ABLIM2: variants seen among roughly 807,000 people sequenced by gnomAD.
ABLIM2 encodes actin-binding LIM protein 2.
Under a neutral mutation model 97.7 loss-of-function variants are expected in ABLIM2, and 53 were observed. That is an observed-to-expected ratio of 0.54 (90% CI 0.44 to 0.68). The LOEUF (loss-of-function observed/expected upper bound fraction) is 0.68, where lower values mean the gene tolerates loss of function less well. ABLIM2 is among the 30% of genes least tolerant of loss of function. The pLI is 0.00. For missense variants in ABLIM2, 835 were observed against 867.2 expected, an observed-to-expected ratio of 0.96 and a Z score of 0.47; for synonymous variants, 361 against 345.8, an observed-to-expected ratio of 1.04 and a Z score of -0.49.
intron 20 of ABLIM2, among the ~76,000 whole-genome samples, chr4:7,973,726 TCA>T (rs1730220320): frequency 6.6e-6 from 1 of 152,180 alleles, no homozygotes; most frequent in Non-Finnish European, 1.5e-5. Context: ...CAGAAAGGTC[TCA>T]GAGTGTGAAT....
intron 2 of ABLIM2, among the ~76,000 whole-genome samples, chr4:8,100,945 C>G (rs1043514454): frequency 2.0e-5 from 3 of 152,010 alleles, no homozygotes; most frequent in African/African-American, 7.2e-5. Context: ...AGGAAAGTGC[C>G]CACACACTAA....
intron 16 of ABLIM2, among the ~76,000 whole-genome samples, chr4:7,997,109 T>G (rs978406114): frequency 6.6e-6 from 1 of 152,206 alleles, no homozygotes; most frequent in African/African-American, 2.4e-5. Flanking sequence ...TCTTGCTCTG[T>G]TGCCCAGGCT....
chr4:8,125,720 G>T lies in ABLIM2; in HGVS notation c.11-19083C>A, dbSNP rs1228018541. Among the ~76,000 whole-genome samples, 1 of 152,232 alleles carries T rather than the reference G, an allele frequency of 6.6e-6. No homozygotes were observed. Among genetic ancestry groups the T allele is most frequent in the Non-Finnish European group, 1.5e-5 (1 of 68,038 alleles). On this transcript the variant is annotated intron_variant, in intron 1 of 20. Coordinates refer to ENST00000447017, the MANE Select transcript of ABLIM2 (RefSeq NM_001130083.2). This position sits in a 1 kb window ranked among gnomAD's most constrained non-coding sequence, Gnocchi z 6.2. ...GAGAAGGCATCGCAGACTCAGCTGA[G>T]CTGGAGAGGCCCGCCCAGCCTCTGC...
At chr4:8,118,198 G>A (rs1369243665) in intron 1 of ABLIM2, among the ~76,000 whole-genome samples, 2 of 152,188 alleles carry the variant, frequency 1.3e-5, no homozygotes, top group African/African-American at 2.4e-5. Context: ...CACACAGCAT[G>A]AGCTCAACAC....
rs563997879 is a variant in ABLIM2, at chr4:8,108,315, C to A, written c.11-1678G>T. Among the ~76,000 whole-genome samples the A allele has an allele frequency of 2.9e-4, 44 of 152,386 alleles. 1 individual carries two copies. In the East Asian group the frequency reaches 8.3e-3, roughly 29 times the overall value. On this transcript the variant is annotated intron_variant, in intron 1 of 20. Coordinates refer to ENST00000447017, the MANE Select transcript of ABLIM2 (RefSeq NM_001130083.2). The stretch of plus-strand genomic sequence containing the variant: ...AGGGCGGGCTTTCACTCGGCTAGGG[C>A]TGCGCCCCATGCCTTCTGCTCATGC...
chr4:8,111,301 A>G (rs1443681901), intron 1 of ABLIM2, among the ~76,000 whole-genome samples: 1 of 152,230 alleles, frequency 6.6e-6, no homozygotes, highest in African/African-American at 2.4e-5. Flanking sequence ...AAAATGAAGG[A>G]GACAGTAAGA....
intron 8 of ABLIM2, among the ~76,000 whole-genome samples, chr4:8,047,710 C>A (rs1379353139): frequency 6.6e-6 from 1 of 152,188 alleles, no homozygotes; most frequent in Non-Finnish European, 1.5e-5. Context: ...ATTGAAACAC[C>A]CTTTGAGTCT....
intron 1 of ABLIM2, among the ~76,000 whole-genome samples, chr4:8,158,415 C>A (rs1716119544): frequency 6.6e-6 from 1 of 152,174 alleles, no homozygotes; most frequent in Non-Finnish European, 1.5e-5. Context: ...AGAAGGGGCG[C>A]CTTCCAGACA....
Position 8,072,949 on chromosome 4 carries a change from G to C in ABLIM2, c.675+4679C>G, listed in dbSNP as rs1051043140. 6.6e-6 allele frequency among the ~76,000 whole-genome samples: 1 copy of C among 152,178 alleles called. No individual in the cohort carries two copies. On this transcript the variant is annotated intron_variant, in intron 6 of 20. Coordinates refer to ENST00000447017, the MANE Select transcript of ABLIM2 (RefSeq NM_001130083.2). This position sits in a 1 kb window ranked among gnomAD's most constrained non-coding sequence, Gnocchi z 5.8. ...ACACAAAGCCCCCGGATCTGCAGAA[G>C]AGCAGGGAGAGTACAGGTGGAGGAG... is the stretch of plus-strand genomic sequence containing the variant.
rs1019871541 is a variant in ABLIM2, at chr4:8,033,154, G to A, written c.1047+2995C>T. 6.6e-6 allele frequency among the ~76,000 whole-genome samples: 1 copy of A among 152,200 alleles called. No homozygotes were observed. Among genetic ancestry groups the A allele is most frequent in the Admixed American group, 6.5e-5 (1 of 15,278 alleles). The stretch of plus-strand genomic sequence containing the variant: ...CGTGGGGGTCCTGGGGCCCTAGACA[G>A]CAGGCTGACCCGTCTTCCCAGGCTG... On this transcript the variant is annotated intron_variant, in intron 10 of 20. Transcript: ENST00000447017. The surrounding 1 kb of genome is among the most constrained non-coding windows in gnomAD (Gnocchi z 4.5).
At position 8,155,372 on chromosome 4, in the gene ABLIM2, G is replaced by T. The variant is rs35074982; in HGVS notation, c.10+3308C>A. 6.6e-6 allele frequency among the ~76,000 whole-genome samples: 1 copy of T among 152,196 alleles called. No individual in the cohort carries two copies. The highest frequency in any genetic ancestry group is 6.5e-5 in the Admixed American group (1 of 15,282). ...TCCACAGTCTGGGGACTAGGGCTCAGGTTCGGGCTCTGCCACATCCTCTCC... is the reference window on the plus strand; with the variant it reads ...TCCACAGTCTGGGGACTAGGGCTCATGTTCGGGCTCTGCCACATCCTCTCC... On this transcript the variant is annotated intron_variant, in intron 1 of 20. Transcript: ENST00000447017. This position sits in a 1 kb window ranked among gnomAD's most constrained non-coding sequence, Gnocchi z 4.2.
At chr4:8,010,305 CT>C in intron 14 of ABLIM2, 2 of 930,032 alleles carry the variant, frequency 2.2e-6, no homozygotes, top group Non-Finnish European at 2.6e-6. Flanking sequence ...ACACCCACAC[CT>C]TGTGTATCCC....
intron 5 of ABLIM2, among the ~76,000 whole-genome samples, chr4:8,079,479 A>G (rs571985012): frequency 6.6e-6 from 1 of 152,304 alleles, no homozygotes; most frequent in Non-Finnish European, 1.5e-5. Context: ...ACCGTGACAC[A>G]GGCGGGGAAA....
At chr4:7,982,598 G>GC (rs1739574593) in intron 20 of ABLIM2, among the ~76,000 whole-genome samples, 1 of 152,192 alleles carries the variant, frequency 6.6e-6, no homozygotes, top group Non-Finnish European at 1.5e-5. Context: ...CTTGCTTTCT[G>GC]CATTTGTCCG....
intron 2 of ABLIM2, among the ~76,000 whole-genome samples, chr4:8,102,823 G>C (rs1255633347): frequency 6.6e-6 from 1 of 152,242 alleles, no homozygotes; most frequent in Non-Finnish European, 1.5e-5. Context: ...GGACGGCCAT[G>C]ATTGGGCTAA....
Position 7,999,528 on chromosome 4 carries a change from G to A in ABLIM2, c.1619-6601C>T, listed in dbSNP as rs1169233673. Among the ~76,000 whole-genome samples the A allele has an allele frequency of 2.0e-5, 3 of 152,246 alleles. No homozygotes were observed. The highest frequency in any genetic ancestry group is 4.4e-5 in the Non-Finnish European group (3 of 68,046). On this transcript the variant is annotated intron_variant, in intron 16 of 20. Coordinates refer to ENST00000447017, the MANE Select transcript of ABLIM2 (RefSeq NM_001130083.2). This position sits in a 1 kb window ranked among gnomAD's most constrained non-coding sequence, Gnocchi z 4.4. Reference sequence around the variant, plus strand: ...TACTAACTAGAGAGGCTGAGATGAGGAGGGCTCCCTAGCTTCAGGAACCAG... The same window carrying A: ...TACTAACTAGAGAGGCTGAGATGAGAAGGGCTCCCTAGCTTCAGGAACCAG...
intron 14 of ABLIM2, among the ~76,000 whole-genome samples, chr4:8,016,416 C>T (rs935485145): frequency 6.6e-6 from 1 of 152,098 alleles, no homozygotes; most frequent in Non-Finnish European, 1.5e-5. Context: ...GGTCCCTGCC[C>T]GATATCAAGT....
chr4:8,007,414 A>G lies in ABLIM2; in HGVS notation c.1618+645T>C, dbSNP rs111347589. ...GCCTTGCCCAATGAAAACTGCCCCC[A>G]GCCCAGCTGAGACCCGCAGACCGCT... On this transcript the variant is annotated intron_variant, in intron 16 of 20. Coordinates refer to ENST00000447017, the MANE Select transcript of ABLIM2 (RefSeq NM_001130083.2). The G allele has an allele frequency of 3.9e-3, 3,889 of 985,476 alleles. 110 individuals are homozygous for G. In the African/African-American group the frequency reaches 0.057, roughly 14 times the overall value. The allele number at this position is 985,476 out of a possible 1,614,324, so 61.0% of individuals were successfully genotyped here.
chr4:8,102,836 C>T (rs1037342995), intron 2 of ABLIM2, among the ~76,000 whole-genome samples: 3 of 152,220 alleles, frequency 2.0e-5, no homozygotes, highest in Non-Finnish European at 2.9e-5. Flanking sequence ...TGGGCTAAGT[C>T]AGCCACGAGC....
Sources: allele counts gnomAD v4.1 joint callset (sites outside exome capture counted in the v4.1 genomes callset), GRCh38; gene constraint gnomAD v4.1.1; non-coding constraint Gnocchi (gnomAD v3.1); transcripts MANE v1.5; gene names NCBI Gene and HGNC (gene_info 2026-07-23, HGNC 2026-07-21).